NALF1: variants seen among roughly 807,000 people sequenced by gnomAD.
NALF1 encodes NALCN channel auxiliary factor 1, also known as family with sequence similarity 155 member A.
In NALF1, 3 loss-of-function variants were observed where a neutral mutation model predicts 48.4. The observed-to-expected ratio is 0.06, with a 90% confidence interval of 0.03 to 0.16. The LOEUF is 0.16. Among genes scored for constraint, NALF1 ranks in the 10% least tolerant of loss-of-function variants. The pLI, the probability that NALF1 is intolerant of heterozygous loss-of-function variation, is 1.00. For synonymous variants in NALF1, 262 were observed against 245.7 expected (o/e 1.07, Z -0.62); for missense variants, 526 against 571.5 (o/e 0.92, Z 0.81).
At chr13:107,595,392 G>A (rs868774609) in intron 1 of NALF1, among the ~76,000 whole-genome samples, 1 of 152,162 alleles carries the variant, frequency 6.6e-6, no homozygotes, top group Middle Eastern at 3.4e-3. Context: ...TATTAAAATT[G>A]TTAAAAGAGA....
At position 107,715,461 on chromosome 13, in the gene NALF1, C is replaced by T. The variant is rs1365069055; in HGVS notation, c.915+150221G>A. ...AGGTGATCTGCCCACCTCGGCCTCC[C>T]AAAGTGCTGGGATTATAGGCGTGAG... On this transcript the variant is annotated intron_variant, in intron 1 of 2. Transcript: ENST00000375915. Among the ~76,000 whole-genome samples the T allele has an allele frequency of 2.6e-5, 4 of 152,186 alleles. No homozygotes were observed. In the East Asian group the frequency reaches 5.8e-4, roughly 22 times the overall value.
intron 1 of NALF1, among the ~76,000 whole-genome samples, chr13:107,529,035 T>C (rs1348035997): frequency 6.6e-6 from 1 of 152,130 alleles, no homozygotes; most frequent in Non-Finnish European, 1.5e-5. Context: ...GGACCTTTTC[T>C]ACAGTGTTAC....
Position 107,710,743 on chromosome 13 carries a change from T to TATCATATATATACATATATGTATACAC in NALF1, c.915+154912_915+154938dup, listed in dbSNP as rs1361601273. 2.2e-3 allele frequency among the ~76,000 whole-genome samples: 328 copies of TATCATATATATACATATATGTATACAC among 148,068 alleles called. 2 individuals carry two copies. Among genetic ancestry groups the TATCATATATATACATATATGTATACAC allele is most frequent in the Non-Finnish European group, 3.2e-3 (218 of 67,252 alleles). The stretch of plus-strand genomic sequence containing the variant: ...GGATTACAATTTTTATATATATACA[T>TATCATATATATACATATATGTATACAC]ATCATATATATACATATATGTATAC... On this transcript the variant is annotated intron_variant, in intron 1 of 2. Transcript: ENST00000375915.
At chr13:107,748,991 AAAT>A (rs1211177395) in intron 1 of NALF1, among the ~76,000 whole-genome samples, 1 of 152,152 alleles carries the variant, frequency 6.6e-6, no homozygotes, top group Non-Finnish European at 1.5e-5. Flanking sequence ...AAGATGATCA[AAAT>A]AATGAGTCAC....
At chr13:107,425,109 G>C (rs1318803426) in intron 1 of NALF1, among the ~76,000 whole-genome samples, 1 of 152,140 alleles carries the variant, frequency 6.6e-6, no homozygotes, top group African/African-American at 2.4e-5. Flanking sequence ...ACAACATTAC[G>C]AAAGAAAGTT....
At chr13:107,259,467 G>A (rs1040699882) in intron 1 of NALF1, among the ~76,000 whole-genome samples, 3 of 152,158 alleles carry the variant, frequency 2.0e-5, no homozygotes, top group Admixed American at 1.3e-4. Flanking sequence ...TCTGTCCCCT[G>A]AGCCTGCTAT....
At chr13:107,249,367 C>T (rs1176894039) in intron 1 of NALF1, among the ~76,000 whole-genome samples, 1 of 152,058 alleles carries the variant, frequency 6.6e-6, no homozygotes, top group Non-Finnish European at 1.5e-5. Flanking sequence ...AATACAAAAA[C>T]AACATTATCT....
intron 1 of NALF1, among the ~76,000 whole-genome samples, chr13:107,594,120 C>CT (rs1878677930): frequency 6.6e-6 from 1 of 151,960 alleles, no homozygotes. Flanking sequence ...CTAACAAGCC[C>CT]TTCTGTCCAC....
intron 1 of NALF1, among the ~76,000 whole-genome samples, chr13:107,291,081 T>C (rs959994268): frequency 6.6e-6 from 1 of 151,162 alleles, no homozygotes; most frequent in Non-Finnish European, 1.5e-5. Flanking sequence ...TCTTTCTCCT[T>C]AGGCAGATTA....
intron 1 of NALF1, among the ~76,000 whole-genome samples, chr13:107,215,468 G>C (rs1165684414): frequency 2.0e-5 from 3 of 151,898 alleles, no homozygotes. Flanking sequence ...ACCCAAGAGA[G>C]CTCATCTAGC....
intron 1 of NALF1, among the ~76,000 whole-genome samples, chr13:107,234,250 T>C (rs774422071): frequency 3.3e-5 from 5 of 152,154 alleles, no homozygotes; most frequent in Non-Finnish European, 7.3e-5. Flanking sequence ...ATGTGCACCT[T>C]GTTGGAATCA....
chr13:107,732,466 T>C lies in NALF1; in HGVS notation c.915+133216A>G, dbSNP rs566698638. On this transcript the variant is annotated intron_variant, in intron 1 of 2. Coordinates refer to ENST00000375915, the MANE Select transcript of NALF1 (RefSeq NM_001080396.3). ...AGTTACTTAAAGCCAAACTGTCTAGTCTAAGGACAGCCATGCTGTCCTGGG... is the reference window on the plus strand; with the variant it reads ...AGTTACTTAAAGCCAAACTGTCTAGCCTAAGGACAGCCATGCTGTCCTGGG... 3.9e-5 allele frequency among the ~76,000 whole-genome samples: 6 copies of C among 152,242 alleles called. No homozygotes were observed. In the East Asian group the frequency reaches 1.2e-3, roughly 29 times the overall value.
chr13:107,858,217 T>C (rs1880484743), intron 1 of NALF1, among the ~76,000 whole-genome samples: 1 of 152,224 alleles, frequency 6.6e-6, no homozygotes, highest in Non-Finnish European at 1.5e-5. Flanking sequence ...TTTTCAATGA[T>C]AAATTAAAAC....
At chr13:107,698,959 T>C (rs1881756994) in intron 1 of NALF1, among the ~76,000 whole-genome samples, 1 of 152,128 alleles carries the variant, frequency 6.6e-6, no homozygotes, top group Non-Finnish European at 1.5e-5. Context: ...GATGACTTCA[T>C]GAAGTGCAAT....
chr13:107,607,693 C>A (rs1879109945), intron 1 of NALF1, among the ~76,000 whole-genome samples: 1 of 152,110 alleles, frequency 6.6e-6, no homozygotes, highest in African/African-American at 2.4e-5. Context: ...GAGTTGAGAA[C>A]CCTGGGTTGG....
chr13:107,335,361 A>G (rs1594125271), intron 1 of NALF1, among the ~76,000 whole-genome samples: 1 of 152,170 alleles, frequency 6.6e-6, no homozygotes, highest in East Asian at 1.9e-4. Flanking sequence ...TGAATCCCTC[A>G]TATTATCTGT....
intron 1 of NALF1, among the ~76,000 whole-genome samples, chr13:107,728,977 C>T (rs1324266203): frequency 6.6e-6 from 1 of 151,954 alleles, no homozygotes; most frequent in East Asian, 1.9e-4. Context: ...TAAGAAGTTG[C>T]CCATATTTGA....
chr13:107,350,188 G>A (rs1021012246), intron 1 of NALF1, among the ~76,000 whole-genome samples: 12 of 152,124 alleles, frequency 7.9e-5, no homozygotes, highest in African/African-American at 2.9e-4. Flanking sequence ...TGGAACTGAG[G>A]GTTGGGGACC....
intron 1 of NALF1, among the ~76,000 whole-genome samples, chr13:107,568,719 T>G (rs891006959): frequency 2.0e-5 from 3 of 152,354 alleles, no homozygotes; most frequent in African/African-American, 2.4e-5. Flanking sequence ...TCTTTTTATG[T>G]GCTTATTTTC....
Sources: gnomAD v4.1 joint callset for allele counts (sites outside exome capture counted in the v4.1 genomes callset) on GRCh38, gnomAD v4.1.1 for gene constraint, MANE v1.5 for transcripts, NCBI Gene and HGNC (gene_info 2026-07-23, HGNC 2026-07-21) for gene names.